Variants in NUS1 observed in about 807,000 individuals in gnomAD.
The protein encoded by NUS1 is dehydrodolichyl diphosphate synthase complex subunit NUS1.
For synonymous variants in NUS1, 135 were observed against 155.2 expected (o/e 0.87, Z 0.97); for missense variants, 292 against 382.9 (o/e 0.76, Z 1.98).
At chr6:117,685,353 A>G (rs979778482) in intron 1 of NUS1, among the ~76,000 whole-genome samples, 7 of 151,924 alleles carry the variant, frequency 4.6e-5, no homozygotes, top group Non-Finnish European at 7.4e-5. Flanking sequence ...GTTTTGTCAT[A>G]ATGGCTATTT....
At chr6:117,687,794 C>T (rs1438950132) in intron 1 of NUS1, among the ~76,000 whole-genome samples, 1 of 152,158 alleles carries the variant, frequency 6.6e-6, no homozygotes, top group Admixed American at 6.5e-5. Flanking sequence ...GTTCTTAATA[C>T]ACTAGGCATT....
chr6:117,698,018 C>A (rs561857026), intron 3 of NUS1, among the ~76,000 whole-genome samples: 1 of 152,066 alleles, frequency 6.6e-6, no homozygotes, highest in Admixed American at 6.5e-5. Flanking sequence ...GGAAACTATA[C>A]AAACACCTGG....
chr6:117,697,233 C>A (rs1773332700), intron 3 of NUS1, among the ~76,000 whole-genome samples: 1 of 151,486 alleles, frequency 6.6e-6, no homozygotes, highest in African/African-American at 2.4e-5. Flanking sequence ...AAAAGGAGGA[C>A]AGGAAGGAAG....
chr6:117,689,790 TC>T (rs1773189694), intron 1 of NUS1, among the ~76,000 whole-genome samples: 1 of 152,138 alleles, frequency 6.6e-6, no homozygotes, highest in African/African-American at 2.4e-5. Flanking sequence ...AGCCTCTAGT[TC>T]CTGGCCTCAA....
chr6:117,704,178 T>A (rs748089529), intron 4 of NUS1, among the ~76,000 whole-genome samples: 1 of 152,074 alleles, frequency 6.6e-6, no homozygotes, highest in Admixed American at 6.6e-5. Flanking sequence ...TGTGTAGTGG[T>A]AGGCAGGCAA....
intron 1 of NUS1, among the ~76,000 whole-genome samples, chr6:117,691,641 G>A (rs1455492653): frequency 7.0e-6 from 1 of 142,672 alleles, no homozygotes. Flanking sequence ...ATTATATATT[G>A]ATTTAATATA....
chr6:117,677,111 A>G (rs1184060398), intron 1 of NUS1, among the ~76,000 whole-genome samples: 1 of 152,208 alleles, frequency 6.6e-6, no homozygotes, highest in East Asian at 1.9e-4. Flanking sequence ...TTGTAAGTAC[A>G]AAAATTCAGT....
Position 117,686,645 on chromosome 6 carries a change from G to A in NUS1, c.416-6397G>A, listed in dbSNP as rs147131086. Among the ~76,000 whole-genome samples the A allele has an allele frequency of 2.7e-3, 414 of 152,210 alleles. 3 individuals carry two copies. The highest frequency in any genetic ancestry group is 9.1e-3 in the African/African-American group (379 of 41,514). The stretch of plus-strand genomic sequence containing the variant: ...TAATCAGTTATTTCTGAATGAATAT[G>A]GCCTTAGCTTCCTTTTACATAAAAT... On this transcript the variant is annotated intron_variant, in intron 1 of 4. Coordinates refer to ENST00000368494, the MANE Select transcript of NUS1 (RefSeq NM_138459.5).
intron 1 of NUS1, among the ~76,000 whole-genome samples, chr6:117,686,503 G>T (rs1773142714): frequency 6.6e-6 from 1 of 152,028 alleles, no homozygotes; most frequent in Non-Finnish European, 1.5e-5. Flanking sequence ...TGACCTTTAT[G>T]GATCTTTTTC....
intron 2 of NUS1, 62 bp from the exon 3 acceptor site, chr6:117,693,969 T>C: frequency 6.5e-7 from 1 of 1,543,466 alleles, no homozygotes; most frequent in Non-Finnish European, 8.7e-7. Flanking sequence ...TTCTTAAAAC[T>C]GCTTTTGAAA....
At chr6:117,695,603 G>T (rs1485269867) in intron 3 of NUS1, among the ~76,000 whole-genome samples, 2 of 152,166 alleles carry the variant, frequency 1.3e-5, no homozygotes, top group African/African-American at 4.8e-5. Context: ...TTGCCTTCAG[G>T]CATTGTAAGC....
rs2114693923 is a variant in NUS1 at position 117,703,675 on chromosome 6, T to G, written c.762T>G (p.Leu254=). The G allele has an allele frequency of 1.2e-6, 2 of 1,613,238 alleles. No homozygotes were observed. The highest frequency in any genetic ancestry group is 2.2e-5 in the South Asian group (2 of 91,060). The change falls in exon 4 of 5, where the codon CTT becomes CTG. Residue 254 remains leucine (L), a synonymous_variant. Coordinates refer to ENST00000368494, the MANE Select transcript of NUS1 (RefSeq NM_138459.5). ...CTGTGGACAGCACATTAGGCTTTCT[T>G]CCCTGGCACATCAGATTGACTGAGA... ...FGPVDSTLGF[L]PWHIRLTEIV...
intron 3 of NUS1, 102 bp from the exon 4 acceptor site, chr6:117,703,503 C>A: frequency 1.2e-6 from 1 of 856,518 alleles, no homozygotes; most frequent in Non-Finnish European, 1.9e-6. Flanking sequence ...TTTAAAGAAC[C>A]AATTTGATTA....
Position 117,707,203 on chromosome 6 carries a change from G to T in NUS1, c.*188G>T. On this transcript the variant is annotated 3_prime_UTR_variant, in exon 5 of 5. Transcript: ENST00000368494. ...TGTGTGCGTGTGCACGTGCACACAT[G>T]TGCACGTTTGTATGTATGGAAATAA... 1 of 540,634 alleles carries T rather than the reference G, an allele frequency of 1.8e-6. No individual in the cohort carries two copies. The highest frequency in any genetic ancestry group is 3.4e-6 in the Non-Finnish European group (1 of 297,346). The allele number at this position is 540,634 out of a possible 1,614,324, so 33.5% of individuals were successfully genotyped here. A position where few individuals can be genotyped will look rare whatever the true frequency, so the allele number is the denominator to read the frequency against.
intron 1 of NUS1, among the ~76,000 whole-genome samples, chr6:117,677,710 G>A (rs945530017): frequency 1.3e-5 from 2 of 152,162 alleles, no homozygotes; most frequent in Non-Finnish European, 1.5e-5. Flanking sequence ...ATCACCAAAT[G>A]ATGATTTGCC....
chr6:117,698,243 G>T (rs1290884646), intron 3 of NUS1, among the ~76,000 whole-genome samples: 1 of 151,890 alleles, frequency 6.6e-6, no homozygotes, highest in Non-Finnish European at 1.5e-5. Context: ...AAATTTGGTG[G>T]TGTTTTAGAA....
intron 3 of NUS1, among the ~76,000 whole-genome samples, chr6:117,698,190 AAATG>A (rs1374432575): frequency 2.2e-4 from 33 of 152,176 alleles, no homozygotes; most frequent in Middle Eastern, 3.4e-3. Context: ...ATCAGAGCAG[AAATG>A]AATGAATTTG....
chr6:117,703,841 T>C (rs1773463013), intron 4 of NUS1, 137 bp downstream of exon 4: 1 of 677,500 alleles, frequency 1.5e-6, no homozygotes, highest in Non-Finnish European at 2.6e-6. Context: ...ACAGTACCAC[T>C]GGTAAAATAA....
intron 3 of NUS1, 67 bp downstream of exon 3, chr6:117,694,247 C>T (rs545356333): frequency 2.1e-5 from 19 of 901,042 alleles, no homozygotes; most frequent in Middle Eastern, 3.5e-4. Context: ...TTTTGTCACA[C>T]GAGGATACAG....
Sources: allele counts gnomAD v4.1 joint callset (sites outside exome capture counted in the v4.1 genomes callset), GRCh38; gene constraint gnomAD v4.1.1; transcripts MANE v1.5; gene names NCBI Gene and HGNC (gene_info 2026-07-23, HGNC 2026-07-21).